The following TEC variants were observed in gnomAD, a reference collection of about 807,000 sequenced individuals.
TEC encodes tyrosine-protein kinase Tec.
TEC carries 72 observed loss-of-function variants against 93.0 expected under a neutral mutation model. That is an observed-to-expected ratio of 0.77 (90% CI 0.64 to 0.94). The LOEUF (loss-of-function observed/expected upper bound fraction) is 0.94, where lower values mean the gene tolerates loss of function less well. Ranked by LOEUF, TEC falls within the 40% of genes least tolerant of loss-of-function variation. TEC has a pLI of 0.00. For synonymous variants in TEC, 249 were observed against 247.7 expected, an observed-to-expected ratio of 1.01 and a Z score of -0.05; for missense variants, 630 against 757.9, an observed-to-expected ratio of 0.83 and a Z score of 1.98.
At chr4:48,196,238 G>A (rs891597554) in intron 2 of TEC, among the ~76,000 whole-genome samples, 5 of 152,138 alleles carry the variant, frequency 3.3e-5, no homozygotes, top group African/African-American at 7.2e-5. Context: ...TGGTTTACAC[G>A]TCTTAGATCT....
intron 8 of TEC, among the ~76,000 whole-genome samples, chr4:48,161,913 A>G (rs1720682096): frequency 6.6e-6 from 1 of 152,072 alleles, no homozygotes; most frequent in Non-Finnish European, 1.5e-5. Flanking sequence ...GCCCTCGAAC[A>G]TTGGACTCCA....
rs191626703 is a variant in TEC, at chr4:48,163,735, G to A, written c.704C>T (p.Thr235Met). 64 of 1,502,944 alleles carry A rather than the reference G, an allele frequency of 4.3e-5. No individual in the cohort carries two copies. The highest frequency in any genetic ancestry group is 3.4e-4 in the Admixed American group (17 of 50,658). The allele number at this position is 1,502,944 out of a possible 1,614,324, so 93.1% of individuals were successfully genotyped here. A position where few individuals can be genotyped will look rare whatever the true frequency, so the allele number is the denominator to read the frequency against. The change falls in exon 8 of 18, where the codon ACG becomes ATG. Residue 235 changes from threonine to methionine, a missense_variant. This residue lies in a region of TEC where 335 missense variants were observed against 351.5 expected (regional missense o/e 0.95). Transcript: ENST00000381501. ...NEGYIPSNYVTGKKSNNLDQY... is the reference protein window; with the variant it reads ...NEGYIPSNYVMGKKSNNLDQY... ...ATCTAAGTTGTTTGATTTCTTTCCC[G>A]TTACGTAATTACTTGGGATATATCC... is the stretch of plus-strand genomic sequence containing the variant.
intron 2 of TEC, among the ~76,000 whole-genome samples, chr4:48,191,320 T>C (rs1367645228): frequency 6.6e-6 from 1 of 152,220 alleles, no homozygotes; most frequent in Non-Finnish European, 1.5e-5. Flanking sequence ...TAAACTTTTT[T>C]CCCATATAAA....
At chr4:48,257,676 T>C (rs1209768152) in intron 1 of TEC, among the ~76,000 whole-genome samples, 1 of 152,226 alleles carries the variant, frequency 6.6e-6, no homozygotes, top group African/African-American at 2.4e-5. Flanking sequence ...GCACATCATA[T>C]ATGCCCAATA....
intron 7 of TEC, among the ~76,000 whole-genome samples, chr4:48,167,130 T>C (rs1199702910): frequency 1.3e-5 from 2 of 152,118 alleles, no homozygotes; most frequent in Non-Finnish European, 1.5e-5. Context: ...TATCTGCCCA[T>C]ATATTTATCA....
intron 2 of TEC, among the ~76,000 whole-genome samples, chr4:48,185,956 T>TG (rs1272411561): frequency 5.9e-5 from 9 of 152,054 alleles, no homozygotes; most frequent in Admixed American, 5.9e-4. Context: ...GCAACCTCCC[T>TG]GCCAGATTCT....
chr4:48,168,210 C>G (rs1720951201), intron 6 of TEC, among the ~76,000 whole-genome samples: 1 of 152,126 alleles, frequency 6.6e-6, no homozygotes, highest in African/African-American at 2.4e-5. Context: ...ATGTTTCCTC[C>G]ACTATACCCC....
chr4:48,144,369 G>A (rs1004183963), intron 14 of TEC, among the ~76,000 whole-genome samples: 1 of 152,138 alleles, frequency 6.6e-6, no homozygotes, highest in Non-Finnish European at 1.5e-5. Flanking sequence ...GACAGACAGT[G>A]CTACCGATAT....
intron 5 of TEC, among the ~76,000 whole-genome samples, chr4:48,169,988 C>T (rs1466327104): frequency 6.6e-6 from 1 of 152,206 alleles, no homozygotes; most frequent in African/African-American, 2.4e-5. Context: ...GACAGTGCCA[C>T]ATTAGGCTCA....
intron 16 of TEC, 35 bp downstream of exon 16, chr4:48,138,869 C>A: frequency 6.2e-7 from 1 of 1,613,818 alleles, no homozygotes. Context: ...ACTTTCTCCT[C>A]AGGGCGGACG....
intron 1 of TEC, among the ~76,000 whole-genome samples, chr4:48,258,948 A>T (rs1724416993): frequency 6.6e-6 from 1 of 152,214 alleles, no homozygotes; most frequent in African/African-American, 2.4e-5. Context: ...TTTAGATTTC[A>T]TTCATTCCAC....
At position 48,185,927 on chromosome 4, in the gene TEC, G is replaced by C. The variant is rs887867211; in HGVS notation, c.139-9741C>G. Among the ~76,000 whole-genome samples, 14 of 151,788 alleles carry C rather than the reference G, an allele frequency of 9.2e-5. No homozygotes were observed. The East Asian group carries it at 2.7e-3, about 30-fold the overall frequency. On this transcript the variant is annotated intron_variant, in intron 2 of 17. Coordinates refer to ENST00000381501, the MANE Select transcript of TEC (RefSeq NM_003215.3). ...GTGAAAGCCGAGGCTGGACTGTACTGCCGCCATCTCGGCTCACTGCAACCT... is the reference window on the plus strand; with the variant it reads ...GTGAAAGCCGAGGCTGGACTGTACTCCCGCCATCTCGGCTCACTGCAACCT...
At chr4:48,250,736 TATC>T (rs1724177998) in intron 1 of TEC, among the ~76,000 whole-genome samples, 1 of 152,102 alleles carries the variant, frequency 6.6e-6, no homozygotes, top group Non-Finnish European at 1.5e-5. Context: ...CCCTCAAACA[TATC>T]AGAGAACCCA....
chr4:48,264,811 T>A (rs1412706939), intron 1 of TEC, among the ~76,000 whole-genome samples: 1 of 152,106 alleles, frequency 6.6e-6, no homozygotes, highest in Non-Finnish European at 1.5e-5. Context: ...TAATTTTTTT[T>A]ATTTTTAGTA....
Position 48,149,574 on chromosome 4 carries a change from T to G in TEC, c.989A>C (p.His330Pro). The G allele has an allele frequency of 6.2e-7, 1 of 1,610,482 alleles. No homozygotes were observed. The change falls in exon 11 of 18, where the codon CAT (histidine) becomes CCT (proline). Residue 330 changes from histidine to proline, a missense_variant. Transcript: ENST00000381501. ...FGSIPEIIEYHKHNAAGLVTR... is the reference protein window; with the variant it reads ...FGSIPEIIEYPKHNAAGLVTR... ...TCACTTACCTGCTGCATTGTGCTTATGATATTCAATAATCTCAGGAATGGA... is the reference window on the plus strand; with the variant it reads ...TCACTTACCTGCTGCATTGTGCTTAGGATATTCAATAATCTCAGGAATGGA...
At chr4:48,257,150 A>C (rs1724365466) in intron 1 of TEC, among the ~76,000 whole-genome samples, 1 of 152,196 alleles carries the variant, frequency 6.6e-6, no homozygotes, top group South Asian at 2.1e-4. Flanking sequence ...GTATCTCAAT[A>C]ATTTTATATG....
At chr4:48,187,426 A>G (rs1721925192) in intron 2 of TEC, among the ~76,000 whole-genome samples, 1 of 122,092 alleles carries the variant, frequency 8.2e-6, no homozygotes, top group African/African-American at 3.2e-5. Flanking sequence ...AGAATGATCA[A>G]TAAATACTAA....
chr4:48,241,017 CA>C (rs1723909924), intron 1 of TEC, among the ~76,000 whole-genome samples: 1 of 151,760 alleles, frequency 6.6e-6, no homozygotes, highest in Non-Finnish European at 1.5e-5. Flanking sequence ...TGATTTGTAA[CA>C]AATAAAAATT....
intron 2 of TEC, among the ~76,000 whole-genome samples, chr4:48,208,942 T>C (rs1165279944): frequency 6.6e-6 from 1 of 152,230 alleles, no homozygotes; most frequent in Admixed American, 6.5e-5. Context: ...CCTTCCAAGT[T>C]AGATAGGCTG....
Sources: gnomAD v4.1 joint callset for allele counts (sites outside exome capture counted in the v4.1 genomes callset) on GRCh38, gnomAD v4.1.1 for gene constraint, gnomAD v4.1.1 regional missense constraint, MANE v1.5 for transcripts, NCBI Gene and HGNC (gene_info 2026-07-23, HGNC 2026-07-21) for gene names.